EFR3A: variants seen among roughly 807,000 people sequenced by gnomAD.
EFR3A encodes EFR3 homolog A.
Under a neutral mutation model 104.4 loss-of-function variants are expected in EFR3A, and 76 were observed. The ratio of observed to expected loss-of-function variants is 0.73; its 90% CI spans 0.60 to 0.88. EFR3A has a LOEUF of 0.88. Among genes scored for constraint, EFR3A ranks in the 40% least tolerant of loss-of-function variants. EFR3A has a pLI of 0.00. For synonymous variants in EFR3A, 330 were observed against 330.0 expected, an observed-to-expected ratio of 1.00 and a Z score of 0.00; for missense variants, 985 against 1,012.5, an observed-to-expected ratio of 0.97 and a Z score of 0.37.
At chr8:131,905,838 G>A (rs1174217901) in intron 1 of EFR3A, among the ~76,000 whole-genome samples, 2 of 152,266 alleles carry the variant, frequency 1.3e-5, no homozygotes, top group African/African-American at 4.8e-5. Context: ...AGAATTTATT[G>A]GTAACATGCC....
At chr8:131,996,622 T>G in intron 19 of EFR3A, 125 bp downstream of exon 19, 1 of 546,940 alleles carries the variant, frequency 1.8e-6, no homozygotes, top group Admixed American at 3.9e-5. Context: ...TCAACTAAAT[T>G]ATTAGTAGAA....
At chr8:131,963,642 A>G (rs1819528185) in intron 8 of EFR3A, among the ~76,000 whole-genome samples, 1 of 152,242 alleles carries the variant, frequency 6.6e-6, no homozygotes. Context: ...TACCAGAGGT[A>G]CAAGGAGGAG....
chr8:131,994,225 A>G (rs756131206), intron 18 of EFR3A, among the ~76,000 whole-genome samples: 16 of 151,980 alleles, frequency 1.1e-4, no homozygotes, highest in Non-Finnish European at 1.9e-4. Flanking sequence ...CCAGGGTGAC[A>G]GAGAAGAGAC....
chr8:131,944,724 T>A (rs1000908508), intron 2 of EFR3A, 21 bp from the exon 3 acceptor site: 77 of 1,545,426 alleles, frequency 5.0e-5, no homozygotes, highest in Non-Finnish European at 5.8e-5. Context: ...GATAATCTAT[T>A]TATCTTGTTA....
At chr8:131,946,920 A>G (rs1465157613) in intron 4 of EFR3A, among the ~76,000 whole-genome samples, 1 of 152,054 alleles carries the variant, frequency 6.6e-6, no homozygotes, top group Non-Finnish European at 1.5e-5. Context: ...TTTGTGTCCT[A>G]CATTCCTTTT....
intron 1 of EFR3A, among the ~76,000 whole-genome samples, chr8:131,929,724 T>C (rs1296839314): frequency 6.6e-6 from 1 of 152,136 alleles, no homozygotes; most frequent in Admixed American, 6.6e-5. Context: ...GTATTGTTTT[T>C]CCCATTTATG....
At chr8:131,951,456 A>G (rs1818700263) in intron 5 of EFR3A, among the ~76,000 whole-genome samples, 1 of 152,134 alleles carries the variant, frequency 6.6e-6, no homozygotes, top group Non-Finnish European at 1.5e-5. Context: ...TTATGAGACT[A>G]TTCTCTGTCT....
At chr8:131,955,747 T>G (rs771415959) in intron 6 of EFR3A, 21 bp from the exon 7 acceptor site, 38 of 1,591,848 alleles carry the variant, frequency 2.4e-5, no homozygotes, top group Non-Finnish European at 3.2e-5. Context: ...GTGTTTTTCT[T>G]TATTTCTCGT....
intron 1 of EFR3A, among the ~76,000 whole-genome samples, chr8:131,920,980 G>A (rs1816989392): frequency 6.6e-6 from 1 of 152,120 alleles, no homozygotes; most frequent in East Asian, 1.9e-4. Flanking sequence ...ATAGGAGCAG[G>A]GAATTCTTGG....
At chr8:131,905,346 A>G (rs915737409) in intron 1 of EFR3A, among the ~76,000 whole-genome samples, 1 of 152,200 alleles carries the variant, frequency 6.6e-6, no homozygotes, top group Non-Finnish European at 1.5e-5. Flanking sequence ...TCTCCAATGC[A>G]CGTTTCGTCT....
rs946389078 is a variant in EFR3A, at chr8:131,904,210, G to A, written c.-103G>A. On this transcript the variant is annotated 5_prime_UTR_variant, in exon 1 of 23. Transcript: ENST00000254624. ...CCCTTCGCCCTTCGCCCTTCGCCTC[G>A]TTCCGGCCTCCGCGGCCCAGCAACG... The A allele has an allele frequency of 4.9e-6, 6 of 1,224,698 alleles. No individual in the cohort carries two copies. In the African/African-American group the frequency reaches 9.4e-5, roughly 19 times the overall value. The allele number at this position is 1,224,698 out of a possible 1,614,324, so 75.9% of individuals were successfully genotyped here.
At chr8:131,914,635 C>CT (rs1816664553) in intron 1 of EFR3A, among the ~76,000 whole-genome samples, 1 of 151,896 alleles carries the variant, frequency 6.6e-6, no homozygotes, top group East Asian at 1.9e-4. Context: ...TGGAGCAGCT[C>CT]TGTTTTTTTT....
intron 1 of EFR3A, among the ~76,000 whole-genome samples, chr8:131,928,153 T>C (rs1817398358): frequency 6.6e-6 from 1 of 151,634 alleles, no homozygotes; most frequent in Admixed American, 6.6e-5. Flanking sequence ...ATTGATTGGT[T>C]GACTAGTCAT....
chr8:131,909,011 A>G (rs1265949620), intron 1 of EFR3A, among the ~76,000 whole-genome samples: 2 of 152,128 alleles, frequency 1.3e-5, no homozygotes, highest in Non-Finnish European at 2.9e-5. Flanking sequence ...CCTCTCTTCT[A>G]GCTACTTTGA....
chr8:131,985,141 T>C, intron 16 of EFR3A, 81 bp downstream of exon 16: 1 of 1,395,380 alleles, frequency 7.2e-7, no homozygotes, highest in Non-Finnish European at 9.9e-7. Flanking sequence ...ATTTTTAACT[T>C]TGGTGATTAC....
intron 1 of EFR3A, among the ~76,000 whole-genome samples, chr8:131,932,159 T>A (rs1443867926): frequency 6.6e-6 from 1 of 152,164 alleles, no homozygotes. Flanking sequence ...TTTTGATTTC[T>A]AATTGTGAGC....
chr8:132,002,603 A>C lies in EFR3A; in HGVS notation c.2207A>C (p.Asp736Ala), dbSNP rs748147838. 1 of 1,609,256 alleles carries C rather than the reference A, an allele frequency of 6.2e-7. No homozygotes were observed. Among genetic ancestry groups the C allele is most frequent in the Non-Finnish European group, 8.5e-7 (1 of 1,175,702 alleles). ...TAAGTCTTTATAAATATTTGTATAG[A>C]TACCAGTGGAATGGAAGAACAGGAA... ...ITFEALKKAI[D>A]TSGMEEQEKE... The change falls in exon 21 of 23, where the codon GAT becomes GCT. Residue 736 changes from aspartate (D) to alanine (A), a missense_variant and splice_region_variant. Transcript: ENST00000254624.
intron 1 of EFR3A, among the ~76,000 whole-genome samples, chr8:131,932,795 A>G (rs1378082855): frequency 6.6e-6 from 1 of 152,144 alleles, no homozygotes; most frequent in African/African-American, 2.4e-5. Flanking sequence ...CTTTTGTTAG[A>G]CTGCATTTTA....
intron 20 of EFR3A, 64 bp downstream of exon 20, chr8:132,001,871 C>T (rs890724655): frequency 2.2e-5 from 31 of 1,381,738 alleles, no homozygotes; most frequent in Middle Eastern, 3.8e-4. Context: ...CTGCTTTTTT[C>T]GATGACAGAA....
Sources: allele counts gnomAD v4.1 joint callset (sites outside exome capture counted in the v4.1 genomes callset), GRCh38; gene constraint gnomAD v4.1.1; transcripts MANE v1.5; gene names NCBI Gene and HGNC (gene_info 2026-07-23, HGNC 2026-07-21).